LRMDA: variants seen among roughly 807,000 people sequenced by gnomAD.
LRMDA encodes leucine-rich melanocyte differentiation-associated protein.
In LRMDA, 18 loss-of-function variants were observed where a neutral mutation model predicts 29.8. That is an observed-to-expected ratio of 0.60 (90% CI 0.42 to 0.90). LRMDA has a LOEUF of 0.90. LRMDA is among the 40% of genes least tolerant of loss of function. The pLI is 0.00. For synonymous variants in LRMDA, 125 were observed against 109.4 expected, an observed-to-expected ratio of 1.14 and a Z score of -0.89; for missense variants, 273 against 273.9, an observed-to-expected ratio of 1.00 and a Z score of 0.02.
chr10:75,534,871 G>T (rs1839928412), intron 2 of LRMDA, among the ~76,000 whole-genome samples: 2 of 152,054 alleles, frequency 1.3e-5, no homozygotes, highest in African/African-American at 4.8e-5. Flanking sequence ...TTAGGTAATG[G>T]AGGGTCAGAT....
intron 6 of LRMDA, among the ~76,000 whole-genome samples, chr10:76,481,992 T>C (rs1305852674): frequency 6.6e-6 from 1 of 151,892 alleles, no homozygotes; most frequent in Non-Finnish European, 1.5e-5. Flanking sequence ...TAGATTTCCT[T>C]CAGGAACCTC....
intron 5 of LRMDA, among the ~76,000 whole-genome samples, chr10:76,207,169 T>A (rs558993032): frequency 3.5e-4 from 49 of 138,724 alleles, no homozygotes; most frequent in African/African-American, 1.4e-3. Flanking sequence ...CCCATGAAGG[T>A]GCTAACCTAC....
intron 5 of LRMDA, among the ~76,000 whole-genome samples, chr10:76,085,037 G>A (rs1237652807): frequency 6.6e-6 from 1 of 152,126 alleles, no homozygotes; most frequent in South Asian, 2.1e-4. Context: ...GGATTCAGAG[G>A]GCCTGGGGTG....
At chr10:76,115,972 C>T (rs1204949070) in intron 5 of LRMDA, among the ~76,000 whole-genome samples, 1 of 152,138 alleles carries the variant, frequency 6.6e-6, no homozygotes, top group Non-Finnish European at 1.5e-5. Flanking sequence ...CCCAGGTCCT[C>T]AATGCATCAA....
At chr10:75,518,618 T>C (rs745787478) in intron 2 of LRMDA, among the ~76,000 whole-genome samples, 22 of 152,234 alleles carry the variant, frequency 1.4e-4, no homozygotes, top group Non-Finnish European at 2.8e-4. Context: ...TTGCTAGCAG[T>C]CTATCAATTT....
At chr10:76,357,922 T>A (rs569688487) in intron 6 of LRMDA, among the ~76,000 whole-genome samples, 4 of 152,126 alleles carry the variant, frequency 2.6e-5, no homozygotes, top group Non-Finnish European at 4.4e-5. Context: ...AACTCTTGAC[T>A]TTGAGGAGCT....
chr10:76,380,844 G>A (rs1037064933), intron 6 of LRMDA, among the ~76,000 whole-genome samples: 26 of 151,618 alleles, frequency 1.7e-4, no homozygotes, highest in Non-Finnish European at 4.4e-5. Context: ...ATTAATTAAT[G>A]TTAATTGCCA....
chr10:75,997,586 A>G (rs986049706), intron 2 of LRMDA, among the ~76,000 whole-genome samples: 3 of 152,166 alleles, frequency 2.0e-5, no homozygotes, highest in East Asian at 3.8e-4. Flanking sequence ...AAAGTGATAG[A>G]AAGTCAGGGA....
chr10:75,931,620 G>C (rs1237133477), intron 2 of LRMDA, among the ~76,000 whole-genome samples: 1 of 152,178 alleles, frequency 6.6e-6, no homozygotes, highest in East Asian at 1.9e-4. Flanking sequence ...ACCAGAATCT[G>C]TATTATTTCC....
chr10:76,378,002 T>G lies in LRMDA; in HGVS notation c.601+53517T>G, dbSNP rs185165832. On this transcript the variant is annotated intron_variant, in intron 6 of 6. Coordinates refer to ENST00000611255, the MANE Select transcript of LRMDA (RefSeq NM_001305581.2). ...TTTGGTCATTTTAACAATATTTGAC[T>G]TTTTAATCCATGGGCATGGGATGTT... 3.2e-3 allele frequency among the ~76,000 whole-genome samples: 484 copies of G among 152,282 alleles called. 2 individuals are homozygous for G. The highest frequency in any genetic ancestry group is 4.3e-3 in the Non-Finnish European group (292 of 68,016).
chr10:76,054,568 G>A (rs1848579777), intron 4 of LRMDA, among the ~76,000 whole-genome samples: 1 of 151,782 alleles, frequency 6.6e-6, no homozygotes, highest in Admixed American at 6.6e-5. Context: ...TTAAACATTG[G>A]CTGATTTTCT....
chr10:75,944,742 GTA>G (rs904611086), intron 2 of LRMDA, among the ~76,000 whole-genome samples: 1 of 147,532 alleles, frequency 6.8e-6, no homozygotes, highest in Admixed American at 6.8e-5. Context: ...ATATCTATAT[GTA>G]TATATATATA....
intron 6 of LRMDA, among the ~76,000 whole-genome samples, chr10:76,510,705 A>G (rs1458933134): frequency 6.6e-6 from 1 of 152,194 alleles, no homozygotes; most frequent in Admixed American, 6.5e-5. Context: ...CTGCACAAAT[A>G]GATGCCTCGT....
intron 2 of LRMDA, among the ~76,000 whole-genome samples, chr10:75,494,515 CTTTTTTTTTTT>C (rs34902194): frequency 4.9e-5 from 5 of 102,868 alleles, no homozygotes; most frequent in South Asian, 3.4e-4. Context: ...ATGTTTGTTC[CTTTTTTTTTTT>C]TTTTTTTTTT....
intron 5 of LRMDA, chr10:76,270,225 T>G (rs1036626341): frequency 1.2e-4 from 18 of 152,222 alleles, no homozygotes; most frequent in African/African-American, 4.3e-4. Context: ...AGAAAATGCA[T>G]GAGAGCAACG....
At chr10:75,515,186 C>T (rs76941307) in intron 2 of LRMDA, among the ~76,000 whole-genome samples, 5,926 of 152,076 alleles carry the variant, frequency 0.039, 364 homozygotes, top group African/African-American at 0.14. Context: ...TTCATAGAGA[C>T]AGAAGTAGAT....
intron 6 of LRMDA, among the ~76,000 whole-genome samples, chr10:76,486,690 T>C (rs975085011): frequency 6.6e-6 from 1 of 151,878 alleles, no homozygotes; most frequent in Non-Finnish European, 1.5e-5. Context: ...AGTGGGAATT[T>C]TAAAAAAGAG....
chr10:75,878,711 A>G (rs1845242218), intron 2 of LRMDA, among the ~76,000 whole-genome samples: 1 of 152,094 alleles, frequency 6.6e-6, no homozygotes, highest in Admixed American at 6.5e-5. Flanking sequence ...TGAAACCCTC[A>G]CCAGGGACCC....
chr10:76,459,496 C>T (rs1326086473), intron 6 of LRMDA, among the ~76,000 whole-genome samples: 1 of 152,106 alleles, frequency 6.6e-6, no homozygotes, highest in Non-Finnish European at 1.5e-5. Flanking sequence ...TGCTCTGCCC[C>T]AAAATACAAA....
Sources: gnomAD v4.1 joint callset for allele counts (sites outside exome capture counted in the v4.1 genomes callset) on GRCh38, gnomAD v4.1.1 for gene constraint, MANE v1.5 for transcripts, NCBI Gene and HGNC (gene_info 2026-07-23, HGNC 2026-07-21) for gene names.